SLC13A5: variants seen among roughly 807,000 people sequenced by gnomAD.
SLC13A5 encodes the protein Na(+)/citrate cotransporter.
SLC13A5 carries 25 observed loss-of-function variants against 56.5 expected under a neutral mutation model. That is an observed-to-expected ratio of 0.44 (90% CI 0.32 to 0.62). The LOEUF (loss-of-function observed/expected upper bound fraction) is 0.62, where lower values mean the gene tolerates loss of function less well. Among genes scored for constraint, SLC13A5 ranks in the 20% least tolerant of loss-of-function variants. The pLI, the probability that SLC13A5 is intolerant of heterozygous loss-of-function variation, is 0.04. For synonymous variants in SLC13A5, 307 were observed against 301.5 expected (o/e 1.02, Z -0.19); for missense variants, 649 against 737.8 (o/e 0.88, Z 1.39).
At chr17:6,704,422 C>T (rs1198804789) in intron 3 of SLC13A5, 6 of 382,594 alleles carry the variant, frequency 1.6e-5, no homozygotes, top group Non-Finnish European at 2.6e-5. Flanking sequence ...TATGAGCTTG[C>T]CCTAGGGTGT....
At chr17:6,707,302 C>T in intron 1 of SLC13A5, 146 bp from the exon 2 acceptor site, 1 of 1,117,840 alleles carries the variant, frequency 8.9e-7, no homozygotes, top group Non-Finnish European at 1.3e-6. Flanking sequence ...TTCCCCAGCC[C>T]TGGTCAGCAC....
At chr17:6,709,928 C>T (rs1312654972) in intron 1 of SLC13A5, among the ~76,000 whole-genome samples, 3 of 152,158 alleles carry the variant, frequency 2.0e-5, no homozygotes, top group Non-Finnish European at 4.4e-5. Flanking sequence ...CTATGAGATG[C>T]CAGTAAGACT....
In SLC13A5 at chr17:6,691,220, C is replaced by T. The variant is rs371051244; in HGVS notation, c.1276-280G>A. ...GCACAACAGACTCAACATGCTCCACCCTGCATTCATCCTCCATAGCCCAGA... is the reference window on the plus strand; with the variant it reads ...GCACAACAGACTCAACATGCTCCACTCTGCATTCATCCTCCATAGCCCAGA... On this transcript the variant is annotated intron_variant, in intron 9 of 11. Coordinates refer to ENST00000433363, the MANE Select transcript of SLC13A5 (RefSeq NM_177550.5). 1.0e-3 allele frequency among the ~76,000 whole-genome samples: 152 copies of T among 152,328 alleles called. 2 individuals are homozygous for T. The highest frequency in any genetic ancestry group is 3.5e-3 in the African/African-American group (144 of 41,582).
intron 10 of SLC13A5, 143 bp downstream of exon 10, chr17:6,690,636 A>G (rs1329857672): frequency 3.4e-6 from 4 of 1,185,762 alleles, no homozygotes; most frequent in Non-Finnish European, 4.9e-6. Flanking sequence ...TCCAGGGTCC[A>G]CAAATCCACG....
rs896810583 is a variant in SLC13A5 at position 6,693,178 on chromosome 17, A to C, written c.1157-16T>G. ...GTTTTCCTTTCTGGGAAGAAAAAGA[A>C]ACACACACACACACACACACACACA... On this transcript the variant is annotated splice_polypyrimidine_tract_variant and intron_variant, in intron 8 of 11. Transcript: ENST00000433363. The C allele has an allele frequency of 1.1e-5, 8 of 696,352 alleles. No individual in the cohort carries two copies. Among genetic ancestry groups the C allele is most frequent in the Non-Finnish European group, 1.6e-5 (7 of 435,610 alleles). The allele number at this position is 696,352 out of a possible 1,614,324, so 43.1% of individuals were successfully genotyped here.
intron 1 of SLC13A5, among the ~76,000 whole-genome samples, chr17:6,708,103 G>T (rs1300817800): frequency 6.6e-6 from 1 of 152,144 alleles, no homozygotes; most frequent in Non-Finnish European, 1.5e-5. Context: ...CTCCGGAGTT[G>T]GGATTGCAGG....
intron 10 of SLC13A5, chr17:6,688,877 C>G (rs557038826): frequency 1.3e-5 from 2 of 152,142 alleles, no homozygotes; most frequent in African/African-American, 4.8e-5. Context: ...TACATCTTTG[C>G]ATTATTAGAC....
At chr17:6,707,757 T>G (rs900564938) in intron 1 of SLC13A5, among the ~76,000 whole-genome samples, 4 of 151,734 alleles carry the variant, frequency 2.6e-5, no homozygotes, top group Non-Finnish European at 5.9e-5. Flanking sequence ...GCTATGGGTA[T>G]CCAGAGGTAT....
At chr17:6,689,695 A>G (rs1201299009) in intron 10 of SLC13A5, 1 of 152,096 alleles carries the variant, frequency 6.6e-6, no homozygotes. Context: ...CCTCCTTGCT[A>G]TTTTTAACAC....
chr17:6,686,431 T>C, intron 11 of SLC13A5, 93 bp from the exon 12 acceptor site: 1 of 1,521,150 alleles, frequency 6.6e-7, no homozygotes, highest in Non-Finnish European at 9.0e-7. Context: ...GGCCTCGATG[T>C]CCCTGTGCCA....
At chr17:6,690,709 C>T in intron 10 of SLC13A5, 70 bp downstream of exon 10, 1 of 1,605,242 alleles carries the variant, frequency 6.2e-7, no homozygotes, top group South Asian at 1.1e-5. Flanking sequence ...GCTGCCTCGT[C>T]AGGGACCCAC....
In SLC13A5 at chr17:6,706,782, G is replaced by T. The variant is rs777081899; in HGVS notation, c.232-4C>A. ...CCTTCATGTACTGGACACACACCTG[G>T]AGCGTGGCACGAAGGCCTCATCAGG... On this transcript the variant is annotated splice_region_variant and splice_polypyrimidine_tract_variant and intron_variant, in intron 2 of 11. Transcript: ENST00000433363. 4 of 1,613,968 alleles carry T rather than the reference G, an allele frequency of 2.5e-6. No homozygotes were observed. The highest frequency in any genetic ancestry group is 2.5e-6 in the Non-Finnish European group (3 of 1,179,958).
intron 2 of SLC13A5, 100 bp from the exon 3 acceptor site, chr17:6,706,878 A>G: frequency 6.4e-7 from 1 of 1,569,102 alleles, no homozygotes; most frequent in Non-Finnish European, 8.7e-7. Context: ...TGGAGTGGGG[A>G]TGCAGGCTCG....
At chr17:6,691,640 G>A (rs1310767618) in intron 9 of SLC13A5, among the ~76,000 whole-genome samples, 1 of 152,212 alleles carries the variant, frequency 6.6e-6, no homozygotes, top group Admixed American at 6.5e-5. Flanking sequence ...GCTGGAGACT[G>A]TGCTGAGCTG....
intron 3 of SLC13A5, chr17:6,704,600 C>G: frequency 3.9e-6 from 1 of 255,502 alleles, no homozygotes; most frequent in South Asian, 4.9e-5. Flanking sequence ...ATTCTCCCGG[C>G]TGCCACTCCA....
In SLC13A5 at chr17:6,686,071, T is replaced by C. The variant is rs1973238559; in HGVS notation, c.*136A>G. 14 of 1,278,530 alleles carry C rather than the reference T, an allele frequency of 1.1e-5. No homozygotes were observed. The highest frequency in any genetic ancestry group is 1.5e-5 in the Non-Finnish European group (14 of 918,818). The allele number at this position is 1,278,530 out of a possible 1,614,324, so 79.2% of individuals were successfully genotyped here. ...GGGCTTGGAGGAAGAGGTGGCCCAT[T>C]GGCTGGGTTTTGGTGGTGTGTGGAC... On this transcript the variant is annotated 3_prime_UTR_variant, in exon 12 of 12. Transcript: ENST00000433363.
At position 6,711,121 on chromosome 17, in the gene SLC13A5, T is replaced by G. The variant is rs1974010359; in HGVS notation, c.102+2111A>C. Among the ~76,000 whole-genome samples, 1 of 152,060 alleles carries G rather than the reference T, an allele frequency of 6.6e-6. No homozygotes were observed. Among genetic ancestry groups the G allele is most frequent in the African/African-American group, 2.4e-5 (1 of 41,430 alleles). On this transcript the variant is annotated intron_variant, in intron 1 of 11. Transcript: ENST00000433363. This position sits in a 1 kb window ranked among gnomAD's most constrained non-coding sequence, Gnocchi z 4.0. ...GTGGCGTGCCCTGGGAGTCACCTCC[T>G]GGCAAGGACTGTGTTGCTCAGGCTG...
Position 6,695,741 on chromosome 17 carries a change from A to G in SLC13A5, c.1040T>C (p.Val347Ala). 6.2e-7 allele frequency: 1 copy of G among 1,613,806 alleles called. No homozygotes were observed. Among genetic ancestry groups the G allele is most frequent in the Non-Finnish European group, 8.5e-7 (1 of 1,179,962 alleles). ...FMPGWLTVAW[V>A]EGETKYVSDA... ...CAAGACTTACTTTGTCTCACCCTCC[A>G]CCCAGGCAACAGTCAGCCAGCCGGG... Residue 347 changes from valine to alanine, a missense_variant, in exon 7 of 12, where the codon GTG becomes GCG. By Grantham distance (64) the Val-to-Ala change is moderately conservative. Coordinates refer to ENST00000433363, the MANE Select transcript of SLC13A5 (RefSeq NM_177550.5).
At position 6,692,237 on chromosome 17, in the gene SLC13A5, A is replaced by G. The variant is rs1310721905; in HGVS notation, c.1275+807T>C. On this transcript the variant is annotated intron_variant, in intron 9 of 11. Coordinates refer to ENST00000433363, the MANE Select transcript of SLC13A5 (RefSeq NM_177550.5). The surrounding 1 kb of genome is among the most constrained non-coding windows in gnomAD (Gnocchi z 5.5). ...GATGGGTGGATGGATGGACAGATGG[A>G]TGGATGGATGGATGGATGGATGGAT... 2.1e-5 allele frequency among the ~76,000 whole-genome samples: 3 copies of G among 141,862 alleles called. No homozygotes were observed. The highest frequency in any genetic ancestry group is 4.5e-5 in the Non-Finnish European group (3 of 67,138). 93.1% of individuals were successfully genotyped at this position (141,862 alleles called of 152,430 possible).
Sources: allele counts gnomAD v4.1 joint callset (sites outside exome capture counted in the v4.1 genomes callset), GRCh38; gene constraint gnomAD v4.1.1; non-coding constraint Gnocchi (gnomAD v3.1); transcripts MANE v1.5; gene names NCBI Gene and HGNC (gene_info 2026-07-23, HGNC 2026-07-21).